The following HS3ST3A1 variants were observed in gnomAD, a reference collection of about 807,000 sequenced individuals.
HS3ST3A1 encodes the protein heparan sulfate glucosamine 3-O-sulfotransferase 3A1.
A neutral mutation model predicts 25.7 loss-of-function variants in HS3ST3A1; 19 were observed. The ratio of observed to expected loss-of-function variants is 0.74; its 90% confidence interval spans 0.52 to 1.08. HS3ST3A1 has a LOEUF of 1.08. HS3ST3A1 is among the 50% of genes least tolerant of loss of function. The probability of loss-of-function intolerance (pLI) is 0.00; values close to 1 mark genes in which losing one functional copy is unlikely to be tolerated. For synonymous variants in HS3ST3A1, 226 were observed against 278.6 expected (o/e 0.81, Z 1.88); for missense variants, 459 against 594.3 (o/e 0.77, Z 2.37).
intron 1 of HS3ST3A1, among the ~76,000 whole-genome samples, chr17:13,588,832 C>A (rs1294726672): frequency 6.6e-6 from 1 of 152,108 alleles, no homozygotes; most frequent in Non-Finnish European, 1.5e-5. Context: ...TACAGGCGCC[C>A]ACCACCACGC....
chr17:13,591,253 C>T (rs1405201222), intron 1 of HS3ST3A1, among the ~76,000 whole-genome samples: 2 of 151,836 alleles, frequency 1.3e-5, no homozygotes, highest in East Asian at 3.9e-4. Context: ...TACCATGTTG[C>T]CCAGGCTGGT....
chr17:13,525,866 C>CT (rs767343402), intron 1 of HS3ST3A1, among the ~76,000 whole-genome samples: 17 of 149,230 alleles, frequency 1.1e-4, no homozygotes, highest in South Asian at 4.2e-4. Context: ...AAATGTTACC[C>CT]TTTTTTTTTT....
chr17:13,517,061 G>C (rs1033793231), intron 1 of HS3ST3A1, among the ~76,000 whole-genome samples: 1 of 152,170 alleles, frequency 6.6e-6, no homozygotes, highest in Admixed American at 6.5e-5. Flanking sequence ...GTATGTAAAA[G>C]TGTGGAAATG....
chr17:13,534,150 A>T (rs1163205043), intron 1 of HS3ST3A1, among the ~76,000 whole-genome samples: 1 of 152,156 alleles, frequency 6.6e-6, no homozygotes. Flanking sequence ...TGCTCTACTT[A>T]GTAGTAGCTG....
rs139207389 is a variant in HS3ST3A1 at position 13,583,074 on chromosome 17, C to T, written c.599+17457G>A. Among the ~76,000 whole-genome samples the T allele has an allele frequency of 9.6e-3, 1,458 of 152,262 alleles. 18 individuals carry two copies. Among genetic ancestry groups the T allele is most frequent in the African/African-American group, 0.034 (1,399 of 41,554 alleles). On this transcript the variant is annotated intron_variant, in intron 1 of 1. Coordinates refer to ENST00000284110, the MANE Select transcript of HS3ST3A1 (RefSeq NM_006042.3). ...TATGAGGAAATCCACTGGAAATCCA[C>T]GGCCATAGAAAGGCATGAGACGCGG...
intron 1 of HS3ST3A1, among the ~76,000 whole-genome samples, chr17:13,536,507 A>G (rs1403720225): frequency 1.3e-5 from 2 of 152,224 alleles, no homozygotes; most frequent in Non-Finnish European, 2.9e-5. Flanking sequence ...ACATGGTTCC[A>G]AAAACAGGAA....
At chr17:13,528,034 T>C (rs1369661183) in intron 1 of HS3ST3A1, among the ~76,000 whole-genome samples, 1 of 152,188 alleles carries the variant, frequency 6.6e-6, no homozygotes, top group Non-Finnish European at 1.5e-5. Context: ...GGTGGCCAGA[T>C]ACATGTATAC....
At chr17:13,577,522 G>A (rs2142378653) in intron 1 of HS3ST3A1, among the ~76,000 whole-genome samples, 1 of 152,284 alleles carries the variant, frequency 6.6e-6, no homozygotes, top group African/African-American at 2.4e-5. Context: ...GAGAGCTTGA[G>A]GACATTCATG....
chr17:13,591,052 T>C (rs1199449536), intron 1 of HS3ST3A1, among the ~76,000 whole-genome samples: 2 of 149,442 alleles, frequency 1.3e-5, no homozygotes, highest in African/African-American at 4.9e-5. Context: ...TCTTTTCTTT[T>C]TTTTTTTTTT....
chr17:13,518,941 A>ATG (rs1376243814), intron 1 of HS3ST3A1, among the ~76,000 whole-genome samples: 1 of 152,228 alleles, frequency 6.6e-6, no homozygotes, highest in African/African-American at 2.4e-5. Flanking sequence ...CTGTTATTGT[A>ATG]TGTCTCTGAG....
intron 1 of HS3ST3A1, among the ~76,000 whole-genome samples, chr17:13,499,337 C>T (rs372927708): frequency 3.9e-4 from 60 of 152,314 alleles, no homozygotes; most frequent in Admixed American, 1.2e-3. Flanking sequence ...GAGATCTATC[C>T]AGAGATGGCT....
rs530764944 is a variant in HS3ST3A1 at position 13,509,309 on chromosome 17, T to C, written c.600-12491A>G. ...AATGGTTTAAAAAACTTAACACCCA[T>C]GTAACCCTGGGAAACAAACAAACTC... On this transcript the variant is annotated intron_variant, in intron 1 of 1. Transcript: ENST00000284110. Among the ~76,000 whole-genome samples the C allele has an allele frequency of 4.6e-5, 7 of 152,250 alleles. No homozygotes were observed. In the South Asian group the frequency reaches 1.0e-3, roughly 23 times the overall value.
In HS3ST3A1 at chr17:13,523,798, TAG is replaced by T. The variant is rs529105435; in HGVS notation, c.600-26982_600-26981del. 2.2e-3 allele frequency among the ~76,000 whole-genome samples: 331 copies of T among 152,360 alleles called. 1 individual carries two copies. Among genetic ancestry groups the T allele is most frequent in the African/African-American group, 7.1e-3 (297 of 41,582 alleles). On this transcript the variant is annotated intron_variant, in intron 1 of 1. Coordinates refer to ENST00000284110, the MANE Select transcript of HS3ST3A1 (RefSeq NM_006042.3). The stretch of plus-strand genomic sequence containing the variant: ...CAGATATATCTAAAATTCATTATTG[TAG>T]AGTTATGTAATGTATGTTTTATAAT...
intron 1 of HS3ST3A1, among the ~76,000 whole-genome samples, chr17:13,566,981 G>A (rs879062953): frequency 1.7e-4 from 26 of 152,314 alleles, no homozygotes; most frequent in Admixed American, 5.9e-4. Flanking sequence ...GATTTTCCAT[G>A]TAGACAACGT....
rs1403870261 is a variant in HS3ST3A1 at position 13,598,068 on chromosome 17, G to A, written c.599+2463C>T. Among the ~76,000 whole-genome samples, 4 of 152,142 alleles carry A rather than the reference G, an allele frequency of 2.6e-5. No homozygotes were observed. The East Asian group carries it at 7.7e-4, about 29-fold the overall frequency. ...TTTTTCTCTTCCATAATTCACTGCT[G>A]GGTGCAAATATCTGGAATTTATTTC... On this transcript the variant is annotated intron_variant, in intron 1 of 1. Coordinates refer to ENST00000284110, the MANE Select transcript of HS3ST3A1 (RefSeq NM_006042.3).
chr17:13,594,242 T>C (rs1908515197), intron 1 of HS3ST3A1, among the ~76,000 whole-genome samples: 1 of 152,188 alleles, frequency 6.6e-6, no homozygotes, highest in Non-Finnish European at 1.5e-5. Context: ...AGGTGGTGTC[T>C]GTCAGTTTCT....
chr17:13,593,849 T>C lies in HS3ST3A1; in HGVS notation c.599+6682A>G, dbSNP rs147212267. Among the ~76,000 whole-genome samples, 258 of 152,252 alleles carry C rather than the reference T, an allele frequency of 1.7e-3. 1 individual carries two copies. Among genetic ancestry groups the C allele is most frequent in the African/African-American group, 5.8e-3 (241 of 41,536 alleles). ...AACGATCAAAACCAAGAAACTGACG[T>C]TGGTATAATGTTATTAACTAAACTG... On this transcript the variant is annotated intron_variant, in intron 1 of 1. Transcript: ENST00000284110.
chr17:13,570,836 T>C (rs1907785402), intron 1 of HS3ST3A1, among the ~76,000 whole-genome samples: 1 of 152,246 alleles, frequency 6.6e-6, no homozygotes, highest in Non-Finnish European at 1.5e-5. Context: ...ACAGGAGTTT[T>C]AGGTTCCTAC....
chr17:13,500,523 G>A (rs564475543), intron 1 of HS3ST3A1, among the ~76,000 whole-genome samples: 16 of 152,312 alleles, frequency 1.1e-4, no homozygotes, highest in Non-Finnish European at 1.8e-4. Context: ...TTTGCCTGAA[G>A]ACACAACAGG....
Sources: allele counts gnomAD v4.1 joint callset (sites outside exome capture counted in the v4.1 genomes callset), GRCh38; gene constraint gnomAD v4.1.1; transcripts MANE v1.5; gene names NCBI Gene and HGNC (gene_info 2026-07-23, HGNC 2026-07-21).